SMYD3: variants seen among roughly 807,000 people sequenced by gnomAD.
SMYD3 encodes the protein SET and MYND domain containing 3.
In SMYD3, 36 loss-of-function variants were observed where a neutral mutation model predicts 57.7. The ratio of observed to expected loss-of-function variants is 0.62; its 90% confidence interval spans 0.48 to 0.82. SMYD3 has a LOEUF of 0.82. Among genes scored for constraint, SMYD3 ranks in the 40% least tolerant of loss-of-function variants. SMYD3 has a pLI of 0.00. For missense variants in SMYD3, 515 were observed against 538.8 expected, an observed-to-expected ratio of 0.96 and a Z score of 0.44; for synonymous variants, 211 against 195.0, an observed-to-expected ratio of 1.08 and a Z score of -0.68.
chr1:246,031,915 C>A (rs976563671), intron 5 of SMYD3, among the ~76,000 whole-genome samples: 13 of 152,188 alleles, frequency 8.5e-5, no homozygotes, highest in African/African-American at 2.6e-4. Flanking sequence ...AACCACCCTG[C>A]CTTTGTTTAA....
chr1:245,997,600 G>A (rs1182039441), intron 5 of SMYD3, among the ~76,000 whole-genome samples: 1 of 152,184 alleles, frequency 6.6e-6, no homozygotes, highest in Non-Finnish European at 1.5e-5. Context: ...GTAGGGTGGT[G>A]AGAGGCAGTG....
rs2066402482 is a variant in SMYD3 at position 246,382,342 on chromosome 1, G to GT, written c.165-27249dup. ...GGTTCCAGGCTCACTAGAATGCCAG[G>GT]TCAGTCCTCACAGCCCTAGACTCCA... On this transcript the variant is annotated intron_variant, in intron 1 of 11. Transcript: ENST00000490107. Among the ~76,000 whole-genome samples the GT allele has an allele frequency of 2.0e-5, 3 of 151,930 alleles. No individual in the cohort carries two copies. The South Asian group carries it at 6.2e-4, about 32-fold the overall frequency.
intron 10 of SMYD3, among the ~76,000 whole-genome samples, chr1:245,807,093 C>T (rs1202617680): frequency 6.6e-6 from 1 of 151,986 alleles, no homozygotes; most frequent in Non-Finnish European, 1.5e-5. Flanking sequence ...CCTCCTCCCA[C>T]GCAGCACCCA....
At chr1:245,792,949 A>G (rs1358436476) in intron 10 of SMYD3, among the ~76,000 whole-genome samples, 1 of 152,184 alleles carries the variant, frequency 6.6e-6, no homozygotes, top group Non-Finnish European at 1.5e-5. Flanking sequence ...GAAAGTAAGA[A>G]TCTCTGATAA....
At chr1:246,060,599 A>C (rs748121836) in intron 5 of SMYD3, among the ~76,000 whole-genome samples, 1 of 151,624 alleles carries the variant, frequency 6.6e-6, no homozygotes, top group African/African-American at 2.4e-5. Flanking sequence ...ATGATCCCTC[A>C]GTCATTACTA....
At chr1:246,106,207 T>G (rs1327133558) in intron 5 of SMYD3, among the ~76,000 whole-genome samples, 1 of 152,194 alleles carries the variant, frequency 6.6e-6, no homozygotes, top group Non-Finnish European at 1.5e-5. Context: ...CTGATACTTC[T>G]TGCCATTCAT....
At chr1:246,004,170 T>C (rs762226497) in intron 5 of SMYD3, among the ~76,000 whole-genome samples, 1 of 152,210 alleles carries the variant, frequency 6.6e-6, no homozygotes, top group Non-Finnish European at 1.5e-5. Flanking sequence ...TGCTAACATC[T>C]AGAAGGTGCT....
At chr1:245,827,333 C>G (rs2049560019) in intron 10 of SMYD3, among the ~76,000 whole-genome samples, 1 of 152,138 alleles carries the variant, frequency 6.6e-6, no homozygotes, top group Non-Finnish European at 1.5e-5. Flanking sequence ...CACTGAGGCC[C>G]AGATACATGA....
intron 5 of SMYD3, among the ~76,000 whole-genome samples, chr1:246,301,207 T>C (rs1197931595): frequency 1.3e-5 from 2 of 152,080 alleles, no homozygotes; most frequent in Non-Finnish European, 2.9e-5. Context: ...AAATAAAATA[T>C]AAATAGACAA....
At chr1:246,298,015 T>A (rs2064825981) in intron 5 of SMYD3, among the ~76,000 whole-genome samples, 1 of 152,136 alleles carries the variant, frequency 6.6e-6, no homozygotes, top group South Asian at 2.1e-4. Flanking sequence ...TTTTATGAGA[T>A]GCTTAAAATG....
At chr1:246,164,415 G>A (rs1401724217) in intron 5 of SMYD3, among the ~76,000 whole-genome samples, 5 of 152,104 alleles carry the variant, frequency 3.3e-5, no homozygotes, top group African/African-American at 4.8e-5. Flanking sequence ...GCGAGACTCC[G>A]TCTCAAGAAA....
chr1:245,907,424 C>T (rs2054645602), intron 8 of SMYD3, among the ~76,000 whole-genome samples: 1 of 151,956 alleles, frequency 6.6e-6, no homozygotes, highest in African/African-American at 2.4e-5. Context: ...ACAGCCAAAA[C>T]CAAAGGAATT....
At chr1:245,891,560 C>T (rs578078395) in intron 8 of SMYD3, among the ~76,000 whole-genome samples, 20 of 152,330 alleles carry the variant, frequency 1.3e-4, no homozygotes, top group African/African-American at 3.4e-4. Flanking sequence ...GCTGTACTTC[C>T]CTTCCTTCTG....
At chr1:246,402,564 T>C (rs1252588029) in intron 1 of SMYD3, among the ~76,000 whole-genome samples, 1 of 152,160 alleles carries the variant, frequency 6.6e-6, no homozygotes, top group Non-Finnish European at 1.5e-5. Flanking sequence ...GTTATGTTCT[T>C]ATGAATCAAT....
intron 5 of SMYD3, among the ~76,000 whole-genome samples, chr1:246,284,565 C>G (rs1425846783): frequency 6.6e-6 from 1 of 151,780 alleles, no homozygotes; most frequent in African/African-American, 2.4e-5. Context: ...TACAGGCACC[C>G]GCCACCACAC....
intron 5 of SMYD3, among the ~76,000 whole-genome samples, chr1:246,079,586 G>A (rs568495775): frequency 1.5e-4 from 23 of 152,246 alleles, no homozygotes; most frequent in Admixed American, 7.8e-4. Context: ...CAAAAACTGC[G>A]CCTTGTATAT....
chr1:245,915,929 G>C (rs1253681474), intron 7 of SMYD3, among the ~76,000 whole-genome samples: 1 of 151,952 alleles, frequency 6.6e-6, no homozygotes, highest in East Asian at 1.9e-4. Flanking sequence ...TTCACTACAG[G>C]AAAATATCAA....
chr1:246,055,773 G>A (rs761465250), intron 5 of SMYD3, among the ~76,000 whole-genome samples: 2 of 152,170 alleles, frequency 1.3e-5, no homozygotes, highest in South Asian at 2.1e-4. Context: ...AATATTGTAC[G>A]ATTCAACCTA....
chr1:245,788,322 C>T (rs2047133562), intron 10 of SMYD3, among the ~76,000 whole-genome samples: 1 of 152,162 alleles, frequency 6.6e-6, no homozygotes, highest in South Asian at 2.1e-4. Context: ...GTGTCCAGGG[C>T]ACCTATGAAG....
Sources: allele counts gnomAD v4.1 joint callset (sites outside exome capture counted in the v4.1 genomes callset), GRCh38; gene constraint gnomAD v4.1.1; transcripts MANE v1.5; gene names NCBI Gene and HGNC (gene_info 2026-07-23, HGNC 2026-07-21).